FGF14: variants seen among roughly 807,000 people sequenced by gnomAD.
FGF14 encodes the protein fibroblast growth factor 14.
A neutral mutation model predicts 25.5 loss-of-function variants in FGF14; 5 were observed. The observed-to-expected ratio is 0.20, with a 90% CI of 0.10 to 0.41. The LOEUF (loss-of-function observed/expected upper bound fraction) is 0.41, where lower values mean the gene tolerates loss of function less well. Ranked by LOEUF, FGF14 falls within the 10% of genes least tolerant of loss-of-function variation. FGF14 has a pLI of 1.00. For synonymous variants in FGF14, 138 were observed against 118.3 expected (o/e 1.17, Z -1.08); for missense variants, 222 against 320.1 (o/e 0.69, Z 2.34).
At chr13:102,330,202 G>A (rs2056591177) in intron 1 of FGF14, among the ~76,000 whole-genome samples, 1 of 152,106 alleles carries the variant, frequency 6.6e-6, no homozygotes, top group Non-Finnish European at 1.5e-5. Flanking sequence ...ATCTGATTTT[G>A]CCTTCACAAT....
intron 3 of FGF14, among the ~76,000 whole-genome samples, chr13:101,800,007 T>C (rs947007849): frequency 1.3e-5 from 2 of 152,138 alleles, no homozygotes; most frequent in Non-Finnish European, 2.9e-5. Flanking sequence ...GGAATGTCGA[T>C]TTTTAAGGAA....
intron 1 of FGF14, among the ~76,000 whole-genome samples, chr13:101,885,844 T>G (rs4772421): frequency 0.39 from 59,355 of 151,736 alleles, 13,167 homozygotes; most frequent in African/African-American, 0.59. Flanking sequence ...AAACTGAAAG[T>G]CAAAACTTTA....
At chr13:101,928,476 C>A (rs2034524455) in intron 1 of FGF14, among the ~76,000 whole-genome samples, 1 of 151,620 alleles carries the variant, frequency 6.6e-6, no homozygotes, top group Non-Finnish European at 1.5e-5. Flanking sequence ...AGGATATTTT[C>A]ATATTATATT....
chr13:101,723,945 G>T (rs1275269592), intron 4 of FGF14, among the ~76,000 whole-genome samples: 1 of 152,102 alleles, frequency 6.6e-6, no homozygotes, highest in East Asian at 1.9e-4. Context: ...ATTTAGTTAA[G>T]ATGAACTACC....
In FGF14 at chr13:102,084,034, CT is replaced by C. The variant is rs368491480; in HGVS notation, c.209-208739del. 4.3e-3 allele frequency among the ~76,000 whole-genome samples: 658 copies of C among 151,400 alleles called. 4 individuals carry two copies. Among genetic ancestry groups the C allele is most frequent in the African/African-American group, 0.015 (623 of 41,304 alleles). Reference sequence around the variant, plus strand: ...TCTACTTTTCTCTCTTGTAACTGGCCTTTTTTTTTCTCATAAATTATATCTC... The same window carrying C: ...TCTACTTTTCTCTCTTGTAACTGGCCTTTTTTTTCTCATAAATTATATCTC... On this transcript the variant is annotated intron_variant, in intron 1 of 4. Transcript: ENST00000376131.
In FGF14 at chr13:101,916,587, T is replaced by C. The variant is rs1255350334; in HGVS notation, c.59A>G (p.His20Arg). Reference protein sequence around the residue: ...IRQKRQAREQHWDRPSASRRR... With the variant: ...IRQKRQAREQRWDRPSASRRR... The stretch of plus-strand genomic sequence containing the variant: ...CCTGCTGGCAGACGGCCGGTCCCAG[T>C]GCTGCTCCCGCGCCTGCCGCTTCTG... The change falls in exon 1 of 5, where the codon CAC (histidine) becomes CGC (arginine). Residue 20 changes from histidine (H) to arginine (R), a missense_variant. Coordinates refer to ENST00000376143, the MANE Select transcript of FGF14 (RefSeq NM_004115.4). The C allele has an allele frequency of 1.2e-6, 2 of 1,600,722 alleles. No individual in the cohort carries two copies. The highest frequency in any genetic ancestry group is 1.1e-5 in the South Asian group (1 of 90,098).
chr13:101,714,647 G>C lies in FGF14; in HGVS notation c.*8184C>G. The C allele has an allele frequency of 1.3e-6, 1 of 760,212 alleles. No individual in the cohort carries two copies. The highest frequency in any genetic ancestry group is 2.3e-6 in the Non-Finnish European group (1 of 429,062). 47.1% of individuals were successfully genotyped at this position (760,212 alleles called of 1,614,324 possible). A position where few individuals can be genotyped will look rare whatever the true frequency, so the allele number is the denominator to read the frequency against. Reference sequence around the variant, plus strand: ...AATGCTTTAGGTGGCTGGACCAACAGGGCCAACCGTGAATATGAAATATCT... The same window carrying C: ...AATGCTTTAGGTGGCTGGACCAACACGGCCAACCGTGAATATGAAATATCT... On this transcript the variant is annotated 3_prime_UTR_variant, in exon 5 of 5. Coordinates refer to ENST00000376143, the MANE Select transcript of FGF14 (RefSeq NM_004115.4).
At chr13:101,917,627 C>A (rs544787843), upstream of FGF14, among the ~76,000 whole-genome samples, 7 of 152,044 alleles carry the variant, frequency 4.6e-5, no homozygotes, top group South Asian at 2.1e-4. Context: ...CAACGCCCCC[C>A]CGTCGCCACC....
intron 1 of FGF14, among the ~76,000 whole-genome samples, chr13:102,084,246 G>T (rs2043781531): frequency 4.0e-5 from 6 of 151,704 alleles, no homozygotes; most frequent in Admixed American, 3.9e-4. Flanking sequence ...TTTTTCTTTT[G>T]CACTCATGAT....
chr13:102,266,409 A>G (rs1308095171), intron 1 of FGF14, among the ~76,000 whole-genome samples: 8 of 152,266 alleles, frequency 5.3e-5, no homozygotes, highest in Admixed American at 4.6e-4. Context: ...ATTACAAAAT[A>G]AAAACCTGTA....
At chr13:101,771,358 G>A (rs930458811) in intron 3 of FGF14, among the ~76,000 whole-genome samples, 1 of 124,668 alleles carries the variant, frequency 8.0e-6, no homozygotes, top group African/African-American at 2.6e-5. Context: ...AATCGTCAAT[G>A]TGAAAAATGC....
In FGF14 at chr13:101,916,711, G is replaced by GGGAAGGC; in HGVS notation, c.-73_-67dup. On this transcript the variant is annotated 5_prime_UTR_variant, in exon 1 of 5. Coordinates refer to ENST00000376143, the MANE Select transcript of FGF14 (RefSeq NM_004115.4). ...GGACGGCGAGCCGGGGGCACCGGAG[G>GGGAAGGC]GGAAGGCGGCGGCGCAGACCGTGGC... 1.3e-5 allele frequency: 18 copies of GGGAAGGC among 1,386,116 alleles called. No homozygotes were observed. The highest frequency in any genetic ancestry group is 1.7e-5 in the Non-Finnish European group (18 of 1,048,450). 85.9% of individuals were successfully genotyped at this position (1,386,116 alleles called of 1,614,324 possible). A position where few individuals can be genotyped will look rare whatever the true frequency, so the allele number is the denominator to read the frequency against.
At chr13:102,329,121 G>T (rs778234146) in intron 1 of FGF14, among the ~76,000 whole-genome samples, 1 of 152,086 alleles carries the variant, frequency 6.6e-6, no homozygotes, top group Non-Finnish European at 1.5e-5. Flanking sequence ...TCAACTTTCA[G>T]TTGAGCAAAT....
intron 2 of FGF14, 110 bp downstream of exon 2, chr13:101,875,076 A>G (rs948980406): frequency 1.7e-5 from 13 of 778,366 alleles, no homozygotes; most frequent in Non-Finnish European, 2.7e-5. Context: ...TAACATTTGT[A>G]AAGATGAACC....
intron 1 of FGF14, among the ~76,000 whole-genome samples, chr13:102,393,041 A>G (rs1396451917): frequency 6.6e-6 from 1 of 152,160 alleles, no homozygotes; most frequent in African/African-American, 2.4e-5. Context: ...TCTGCACCAC[A>G]ATCTTTGACG....
chr13:101,941,400 G>A (rs931217117), intron 1 of FGF14, among the ~76,000 whole-genome samples: 4 of 152,158 alleles, frequency 2.6e-5, no homozygotes, highest in Admixed American at 6.5e-5. Context: ...ATAATAACAC[G>A]ATAAGACCAC....
intron 3 of FGF14, among the ~76,000 whole-genome samples, chr13:101,779,884 T>G (rs575146769): frequency 2.6e-5 from 4 of 152,222 alleles, no homozygotes; most frequent in Non-Finnish European, 5.9e-5. Flanking sequence ...ATGGGCTATG[T>G]GTTTCTTTAG....
intron 3 of FGF14, among the ~76,000 whole-genome samples, chr13:101,802,840 T>C (rs117557072): frequency 1.3e-3 from 200 of 152,296 alleles, no homozygotes; most frequent in Non-Finnish European, 2.4e-3. Flanking sequence ...GTGTCAGGTG[T>C]ACATACATAT....
intron 3 of FGF14, among the ~76,000 whole-genome samples, chr13:101,812,016 G>A (rs1167097019): frequency 6.6e-6 from 1 of 152,108 alleles, no homozygotes; most frequent in East Asian, 1.9e-4. Flanking sequence ...ATGTGAAAAA[G>A]ACTCCCAGAA....
Sources: gnomAD v4.1 joint callset for allele counts (sites outside exome capture counted in the v4.1 genomes callset) on GRCh38, gnomAD v4.1.1 for gene constraint, MANE v1.5 for transcripts, NCBI Gene and HGNC (gene_info 2026-07-23, HGNC 2026-07-21) for gene names.